TTC39C: variants seen among roughly 807,000 people sequenced by gnomAD.
TTC39C encodes the protein tetratricopeptide repeat domain 39C.
TTC39C carries 33 observed loss-of-function variants against 76.3 expected under a neutral mutation model. The observed-to-expected ratio is 0.43, with a 90% CI of 0.33 to 0.58. TTC39C has a LOEUF of 0.58. Ranked by LOEUF, TTC39C falls within the 20% of genes least tolerant of loss-of-function variation. The pLI is 0.04. For missense variants in TTC39C, 595 were observed against 701.4 expected, an observed-to-expected ratio of 0.85 and a Z score of 1.71; for synonymous variants, 254 against 260.6, an observed-to-expected ratio of 0.97 and a Z score of 0.24.
chr18:24,024,514 A>G (rs554149894), intron 1 of TTC39C, among the ~76,000 whole-genome samples: 3 of 152,204 alleles, frequency 2.0e-5, no homozygotes, highest in Non-Finnish European at 4.4e-5. Flanking sequence ...TGTTAAGGGA[A>G]GGAGGGAAAT....
At chr18:24,069,022 A>C in intron 3 of TTC39C, 135 bp from the exon 4 acceptor site, 2 of 654,312 alleles carry the variant, frequency 3.1e-6, no homozygotes, top group Non-Finnish European at 2.6e-6. Context: ...CATAGGATAA[A>C]TTTGGGCTTG....
intron 6 of TTC39C, among the ~76,000 whole-genome samples, chr18:24,085,530 C>CAT (rs1253292024): frequency 6.6e-6 from 1 of 152,170 alleles, no homozygotes; most frequent in Non-Finnish European, 1.5e-5. Flanking sequence ...GAATACTAAA[C>CAT]ATAAGCAGTC....
intron 1 of TTC39C, among the ~76,000 whole-genome samples, chr18:24,041,746 C>T (rs1175689656): frequency 6.6e-6 from 1 of 152,116 alleles, no homozygotes; most frequent in African/African-American, 2.4e-5. Context: ...TACAAAAGTG[C>T]AGCATATTAT....
At chr18:24,058,796 G>A (rs1262777293) in intron 1 of TTC39C, among the ~76,000 whole-genome samples, 1 of 152,224 alleles carries the variant, frequency 6.6e-6, no homozygotes, top group African/African-American at 2.4e-5. Context: ...GCTTGATATT[G>A]TCAGTCCTTC....
intron 5 of TTC39C, among the ~76,000 whole-genome samples, chr18:24,082,566 C>T (rs2084390464): frequency 6.6e-6 from 1 of 152,078 alleles, no homozygotes; most frequent in South Asian, 2.1e-4. Context: ...GACTAGTTAC[C>T]ATTTCTAATT....
At chr18:24,062,081 C>T (rs557513172) in intron 1 of TTC39C, among the ~76,000 whole-genome samples, 5 of 152,224 alleles carry the variant, frequency 3.3e-5, no homozygotes, top group Admixed American at 1.3e-4. Context: ...GGTTTCCTTG[C>T]GTTGTTGCTA....
intron 6 of TTC39C, among the ~76,000 whole-genome samples, chr18:24,085,096 C>T (rs1271424430): frequency 6.6e-6 from 1 of 152,182 alleles, no homozygotes; most frequent in African/African-American, 2.4e-5. Context: ...TAGTGTTTAA[C>T]AGATATTTAT....
At chr18:24,127,591 A>G (rs2085066870) in intron 10 of TTC39C, among the ~76,000 whole-genome samples, 1 of 152,084 alleles carries the variant, frequency 6.6e-6, no homozygotes, top group Non-Finnish European at 1.5e-5. Flanking sequence ...ATCATGGCTC[A>G]CTGCAACCTC....
intron 1 of TTC39C, among the ~76,000 whole-genome samples, chr18:24,052,246 T>C (rs925473254): frequency 2.3e-4 from 35 of 152,322 alleles, no homozygotes; most frequent in African/African-American, 6.5e-4. Context: ...TTTGCGTCAC[T>C]GTTTATTAGA....
intron 1 of TTC39C, among the ~76,000 whole-genome samples, chr18:24,008,667 A>G (rs531827247): frequency 2.6e-5 from 4 of 152,222 alleles, no homozygotes; most frequent in African/African-American, 9.6e-5. Context: ...TCGACCCAGC[A>G]TTCCCATTAT....
chr18:24,006,707 A>G (rs1048209248), intron 1 of TTC39C, among the ~76,000 whole-genome samples: 49 of 152,216 alleles, frequency 3.2e-4, no homozygotes, highest in African/African-American at 1.1e-3. Context: ...TAATAAAAAC[A>G]TCAGTAATTA....
At chr18:24,100,292 G>A (rs958403960) in intron 6 of TTC39C, among the ~76,000 whole-genome samples, 1 of 152,176 alleles carries the variant, frequency 6.6e-6, no homozygotes, top group Non-Finnish European at 1.5e-5. Context: ...CTCTGAGTCT[G>A]TGGCCCTTGT....
rs111379189 is a variant in TTC39C, at chr18:24,121,857, T to C, written c.1187-1977T>C. ...TTTGCATCCTCTGATCTAAAAATAA[T>C]GGGGTTGGTTGCACAATACAGCCAC... On this transcript the variant is annotated intron_variant, in intron 8 of 13. Transcript: ENST00000317571. 1.7e-3 allele frequency among the ~76,000 whole-genome samples: 259 copies of C among 152,270 alleles called. 2 individuals carry two copies. Among genetic ancestry groups the C allele is most frequent in the African/African-American group, 6.0e-3 (249 of 41,556 alleles).
At chr18:24,055,552 C>G (rs1054545992) in intron 1 of TTC39C, among the ~76,000 whole-genome samples, 2 of 152,126 alleles carry the variant, frequency 1.3e-5, no homozygotes, top group African/African-American at 4.8e-5. Context: ...AATGTCTATT[C>G]AAGTTCTTTC....
At chr18:24,047,379 C>G (rs2083897947) in intron 1 of TTC39C, among the ~76,000 whole-genome samples, 1 of 152,142 alleles carries the variant, frequency 6.6e-6, no homozygotes, top group Admixed American at 6.5e-5. Context: ...AGACATGAGC[C>G]ACCGTGCATG....
chr18:24,011,437 C>T (rs2083392651), upstream of TTC39C, among the ~76,000 whole-genome samples: 2 of 152,136 alleles, frequency 1.3e-5, no homozygotes, highest in African/African-American at 2.4e-5. Flanking sequence ...CCTTTTGGGA[C>T]CAGGAGAGGC....
At chr18:24,100,690 T>C (rs2084663495) in intron 6 of TTC39C, among the ~76,000 whole-genome samples, 1 of 152,250 alleles carries the variant, frequency 6.6e-6, no homozygotes, top group Admixed American at 6.5e-5. Flanking sequence ...GGATCTGGTT[T>C]CTAGCTTTGG....
chr18:24,105,782 A>G (rs1280963725), intron 6 of TTC39C, among the ~76,000 whole-genome samples: 3 of 152,234 alleles, frequency 2.0e-5, no homozygotes, highest in Non-Finnish European at 4.4e-5. Flanking sequence ...TGCCATAACA[A>G]AGTATCACAA....
At chr18:24,096,102 A>G (rs191133948) in intron 6 of TTC39C, among the ~76,000 whole-genome samples, 2 of 152,352 alleles carry the variant, frequency 1.3e-5, no homozygotes, top group East Asian at 3.9e-4. Flanking sequence ...TCACCATAAC[A>G]AATATAGCAG....
Sources: allele counts gnomAD v4.1 joint callset (sites outside exome capture counted in the v4.1 genomes callset), GRCh38; gene constraint gnomAD v4.1.1; transcripts MANE v1.5; gene names NCBI Gene and HGNC (gene_info 2026-07-23, HGNC 2026-07-21).